Variants in KIF5C observed in about 807,000 individuals in gnomAD.
The protein encoded by KIF5C is kinesin heavy chain isoform 5C.
KIF5C carries 18 observed loss-of-function variants against 125.2 expected under a neutral mutation model. That is an observed-to-expected ratio of 0.14 (90% CI 0.10 to 0.21). The LOEUF is 0.21. Among genes scored for constraint, KIF5C ranks in the 10% least tolerant of loss-of-function variants. The pLI is 1.00. For synonymous variants in KIF5C, 405 were observed against 434.0 expected, an observed-to-expected ratio of 0.93 and a Z score of 0.83; for missense variants, 780 against 1,183.8, an observed-to-expected ratio of 0.66 and a Z score of 5.01.
rs562424170 is a variant in KIF5C, at chr2:148,973,890, C to G, written c.1293+379C>G. 7.9e-5 allele frequency among the ~76,000 whole-genome samples: 12 copies of G among 152,258 alleles called. No homozygotes were observed. In the East Asian group the frequency reaches 1.7e-3, roughly 22 times the overall value. On this transcript the variant is annotated intron_variant, in intron 12 of 25. Transcript: ENST00000435030. The stretch of plus-strand genomic sequence containing the variant: ...TTGGAAACTCCAGCAGTAGCCTCAG[C>G]TAGGGGCAAGGGTTGTGACTCCCAG...
At chr2:148,994,379 C>T in intron 16 of KIF5C, 42 bp from the exon 17 acceptor site, 1 of 1,543,770 alleles carries the variant, frequency 6.5e-7, no homozygotes, top group Non-Finnish European at 8.8e-7. Context: ...GCCTGGATGA[C>T]CACTTGCTAG....
intron 10 of KIF5C, among the ~76,000 whole-genome samples, chr2:148,952,890 GA>G (rs1682700692): frequency 6.6e-6 from 1 of 152,120 alleles, no homozygotes; most frequent in Non-Finnish European, 1.5e-5. Context: ...ATTGCGGCTT[GA>G]AAAGGTCATA....
intron 12 of KIF5C, 55 bp from the exon 13 acceptor site, chr2:148,978,867 G>C: frequency 6.5e-7 from 1 of 1,536,092 alleles, no homozygotes; most frequent in Non-Finnish European, 8.8e-7. Context: ...TGGGAGACTG[G>C]GATATCAAAA....
At chr2:148,889,648 T>C (rs567809842) in intron 1 of KIF5C, among the ~76,000 whole-genome samples, 2 of 152,376 alleles carry the variant, frequency 1.3e-5, no homozygotes, top group South Asian at 2.1e-4. Flanking sequence ...TTCACTTAGA[T>C]GATCCGGCAC....
At chr2:148,882,997 T>C (rs1053188356) in intron 1 of KIF5C, among the ~76,000 whole-genome samples, 1 of 152,220 alleles carries the variant, frequency 6.6e-6, no homozygotes, top group South Asian at 2.1e-4. Flanking sequence ...CTGACCCTCC[T>C]TGGCTGTCAG....
chr2:148,902,971 TTATGCAC>T (rs1680963181), intron 1 of KIF5C, among the ~76,000 whole-genome samples: 1 of 152,108 alleles, frequency 6.6e-6, no homozygotes, highest in Non-Finnish European at 1.5e-5. Flanking sequence ...AATTCAACAT[TTATGCAC>T]AGGCAGTGGC....
At chr2:148,929,485 A>T (rs1054271239) in intron 3 of KIF5C, 131 bp downstream of exon 3, 1 of 617,340 alleles carries the variant, frequency 1.6e-6, no homozygotes, top group Non-Finnish European at 2.8e-6. Context: ...CCAATTAATT[A>T]TGTCTTTGAG....
chr2:149,004,124 C>T (rs765626306), intron 21 of KIF5C, among the ~76,000 whole-genome samples: 7 of 152,228 alleles, frequency 4.6e-5, no homozygotes, highest in Non-Finnish European at 8.8e-5. Flanking sequence ...CATTTGGTTT[C>T]CTGCAGAAAG....
chr2:149,023,787 C>T lies in KIF5C; in HGVS notation c.*717C>T, dbSNP rs1440623369. The T allele has an allele frequency of 1.3e-5, 2 of 152,214 alleles. No individual in the cohort carries two copies. The highest frequency in any genetic ancestry group is 4.1e-4 in the South Asian group (2 of 4,832). The allele number at this position is 152,214 out of a possible 1,614,324, so 9.4% of individuals were successfully genotyped here. Reference sequence around the variant, plus strand: ...CACCTCCGAGCTGCTTGCTTTTGAACCTGCAGCAACTAGTCTTAGCCGGCC... The same window carrying T: ...CACCTCCGAGCTGCTTGCTTTTGAATCTGCAGCAACTAGTCTTAGCCGGCC... On this transcript the variant is annotated 3_prime_UTR_variant, in exon 26 of 26. Transcript: ENST00000435030.
At chr2:148,879,859 C>G (rs1681298687) in intron 1 of KIF5C, 1 of 152,146 alleles carries the variant, frequency 6.6e-6, no homozygotes, top group Non-Finnish European at 1.5e-5. Context: ...GTGCTTCCTC[C>G]TGAGGGCCTA....
In KIF5C at chr2:148,937,191, G is replaced by T. The variant is rs919288258; in HGVS notation, c.292-93G>T. Reference sequence around the variant, plus strand: ...ACGTGGGTGCTTCCTGCTCCACCGGGTTCTGTCTGAGGAACCCAGAGATGG... The same window carrying T: ...ACGTGGGTGCTTCCTGCTCCACCGGTTTCTGTCTGAGGAACCCAGAGATGG... On this transcript the variant is annotated intron_variant, in intron 3 of 25. Transcript: ENST00000435030. 11 of 1,500,100 alleles carry T rather than the reference G, an allele frequency of 7.3e-6. No homozygotes were observed. The African/African-American group carries it at 1.3e-4, about 17-fold the overall frequency. 92.9% of individuals were successfully genotyped at this position (1,500,100 alleles called of 1,614,324 possible).
At position 148,931,107 on chromosome 2, in the gene KIF5C, G is replaced by T. The variant is rs145285402; in HGVS notation, c.291+1753G>T. Among the ~76,000 whole-genome samples, 1,268 of 151,968 alleles carry T rather than the reference G, an allele frequency of 8.3e-3. 18 individuals are homozygous for T. Among genetic ancestry groups the T allele is most frequent in the Middle Eastern group, 0.065 (19 of 294 alleles). ...ATTCAATCAGTCTAGAGGTTTTTTT[G>T]TTTGTTTGTTTTGTTTTATTACCAA... On this transcript the variant is annotated intron_variant, in intron 3 of 25. Transcript: ENST00000435030.
At chr2:148,902,722 A>G (rs1359460730) in intron 1 of KIF5C, among the ~76,000 whole-genome samples, 2 of 152,200 alleles carry the variant, frequency 1.3e-5, no homozygotes, top group Non-Finnish European at 2.9e-5. Context: ...GAAAATTAGA[A>G]TATTTTGTAG....
In KIF5C at chr2:149,025,770, T is replaced by C. The variant is rs1682670315; in HGVS notation, c.*2700T>C. The stretch of plus-strand genomic sequence containing the variant: ...GTTGTTTGAGATATCAAGATTTATG[T>C]CTGGGAACTAAAATATATAATGCCA... On this transcript the variant is annotated 3_prime_UTR_variant, in exon 26 of 26. Coordinates refer to ENST00000435030, the MANE Select transcript of KIF5C (RefSeq NM_004522.3). 6.6e-6 allele frequency: 1 copy of C among 152,540 alleles called. No homozygotes were observed. The allele number at this position is 152,540 out of a possible 1,614,324, so 9.4% of individuals were successfully genotyped here. A position where few individuals can be genotyped will look rare whatever the true frequency, so the allele number is the denominator to read the frequency against.
chr2:148,983,787 T>C (rs1263968049), intron 15 of KIF5C, 21 bp downstream of exon 15: 1 of 1,583,858 alleles, frequency 6.3e-7, no homozygotes, highest in Admixed American at 1.7e-5. Flanking sequence ...CCTTCTTTTA[T>C]CCTCTCTACC....
In KIF5C at chr2:149,005,475, T is replaced by G. The variant is rs1301290490; in HGVS notation, c.2445+11T>G. 6.2e-7 allele frequency: 1 copy of G among 1,613,110 alleles called. No homozygotes were observed. Among genetic ancestry groups the G allele is most frequent in the South Asian group, 1.1e-5 (1 of 90,676 alleles). On this transcript the variant is annotated intron_variant, in intron 22 of 25. Transcript: ENST00000435030. ...ACCCGAGTTAAAAAAGTGAGTTCTC[T>G]TTGTCTGAATGGGACTGAGAAGAAA...
chr2:148,971,910 CAGTT>C (rs1417642125), intron 11 of KIF5C, among the ~76,000 whole-genome samples: 2 of 152,078 alleles, frequency 1.3e-5, no homozygotes, highest in African/African-American at 2.4e-5. Flanking sequence ...ATTGAAATCT[CAGTT>C]ACTCTATTAT....
chr2:148,978,200 C>T (rs1200614692), intron 12 of KIF5C, among the ~76,000 whole-genome samples: 2 of 152,054 alleles, frequency 1.3e-5, no homozygotes, highest in African/African-American at 4.8e-5. Context: ...GAGAGGTGGG[C>T]AGCGAATACC....
rs568580831 is a variant in KIF5C at position 149,022,520 on chromosome 2, T to C, written c.*8-558T>C. On this transcript the variant is annotated intron_variant, in intron 25 of 25. Coordinates refer to ENST00000435030, the MANE Select transcript of KIF5C (RefSeq NM_004522.3). Reference sequence around the variant, plus strand: ...TTGTAATGTAAACGATCTCAACATGTAATACCAGTTACATGTTGAAATACT... The same window carrying C: ...TTGTAATGTAAACGATCTCAACATGCAATACCAGTTACATGTTGAAATACT... Among the ~76,000 whole-genome samples the C allele has an allele frequency of 7.2e-5, 11 of 152,352 alleles. No individual in the cohort carries two copies. The East Asian group carries it at 2.1e-3, about 29-fold the overall frequency.
Sources: allele counts gnomAD v4.1 joint callset (sites outside exome capture counted in the v4.1 genomes callset), GRCh38; gene constraint gnomAD v4.1.1; transcripts MANE v1.5; gene names NCBI Gene and HGNC (gene_info 2026-07-23, HGNC 2026-07-21).